The following GNL3L variants were observed in gnomAD, a reference collection of about 807,000 sequenced individuals.
GNL3L encodes the protein G protein nucleolar 3 like, also known as guanine nucleotide-binding protein-like 3-like protein.
In GNL3L, 4 loss-of-function variants were observed where a neutral mutation model predicts 42.9. The observed-to-expected ratio is 0.09, with a 90% CI of 0.05 to 0.21. The LOEUF is 0.21. GNL3L is among the 10% of genes least tolerant of loss of function. The probability of loss-of-function intolerance (pLI) is 1.00; values close to 1 mark genes in which losing one functional copy is unlikely to be tolerated. For synonymous variants in GNL3L, 159 were observed against 176.3 expected (o/e 0.90, Z 0.78); for missense variants, 412 against 481.7 (o/e 0.86, Z 1.36).
chrX:54,607,046 T>TTCTTTC lies in GNL3L; in HGVS notation c.*46-13797_*46-13792dup, dbSNP rs1569542586. Among the ~76,000 whole-genome samples, 2 of 71,241 alleles carry TTCTTTC rather than the reference T, an allele frequency of 2.8e-5. 1 individual carries two copies. The highest frequency in any genetic ancestry group is 1.8e-4 in the African/African-American group (2 of 11,213). 61.9% of individuals were successfully genotyped at this position (71,241 alleles called of 115,157 possible). ...TTTCTTTCTTTCTTTCTTTCTTTCT[T>TTCTTTC]TCTTTCTTTCTTTCTTTCTTTCTTT... On this transcript the variant is annotated intron_variant, in intron 16 of 16. Coordinates refer to the GNL3L transcript ENST00000674498.
At chrX:54,636,498 T>C in the GNL3L span, among the ~76,000 whole-genome samples, 1 of 111,285 alleles carries the variant, frequency 9.0e-6, no homozygotes, top group South Asian at 3.8e-4. Flanking sequence ...TAGTATACAA[T>C]AGGTAGTTTT....
At chrX:54,597,621 C>T (rs763506235) in intron 16 of GNL3L, among the ~76,000 whole-genome samples, 1 of 110,925 alleles carries the variant, frequency 9.0e-6, no homozygotes, top group African/African-American at 3.3e-5. Context: ...CTTGGACTTG[C>T]CTAGGTGTTG....
Position 54,566,108 on chromosome X carries a change from A to G in GNL3L, c.*5506A>G, listed in dbSNP as rs886943129. The stretch of plus-strand genomic sequence containing the variant: ...AGTTCTGGGATTACAGGCATGAGCC[A>G]TTGTGCCTGGCCAGTATCTTGTCTT... On this transcript the variant is annotated 3_prime_UTR_variant, in exon 16 of 16. Coordinates refer to ENST00000360845, the MANE Select transcript of GNL3L (RefSeq NM_001184819.2). 9.0e-6 allele frequency among the ~76,000 whole-genome samples: 1 copy of G among 111,602 alleles called. No individual in the cohort carries two copies. The highest frequency in any genetic ancestry group is 1.9e-5 in the Non-Finnish European group (1 of 53,197).
chrX:54,639,179 T>C, the GNL3L span, among the ~76,000 whole-genome samples: 3 of 111,550 alleles, frequency 2.7e-5, no homozygotes, highest in African/African-American at 6.5e-5. Flanking sequence ...ACTCATGGAC[T>C]CAAGTGATCC....
Position 54,551,908 on chromosome X carries a change from A to C in GNL3L, c.1115A>C (p.Lys372Thr). 8.3e-7 allele frequency: 1 copy of C among 1,207,020 alleles called. No homozygotes were observed. The highest frequency in any genetic ancestry group is 1.1e-6 in the Non-Finnish European group (1 of 891,050). ...ACGGCAGTGGCCCACCGTTTGGGGA[A>C]GAAGAAGAAGGGAGGCTTATATAGT... is the stretch of plus-strand genomic sequence containing the variant. ...FLTAVAHRLGKKKKGGLYSQE... is the reference protein window; with the variant it reads ...FLTAVAHRLGTKKKGGLYSQE... The change falls in exon 12 of 16, where the codon AAG becomes ACG. Residue 372 changes from lysine (K) to threonine (T), a missense_variant. Transcript: ENST00000360845.
chrX:54,607,048 CT>C (rs1394823834), intron 16 of GNL3L, among the ~76,000 whole-genome samples: 5 of 61,458 alleles, frequency 8.1e-5, no homozygotes, highest in Non-Finnish European at 1.4e-4. Flanking sequence ...TTCTTTCTTT[CT>C]TTCTTTCTTT....
At chrX:54,606,995 C>CCTTCCTTTCTTT (rs1926071370) in intron 16 of GNL3L, among the ~76,000 whole-genome samples, 3 of 28,024 alleles carry the variant, frequency 1.1e-4, no homozygotes, top group Non-Finnish European at 1.8e-4. Context: ...CCTTTCCTTT[C>CCTTCCTTTCTTT]CTTTCTTTCT....
chrX:54,537,320 G>A (rs1043362700), intron 2 of GNL3L, among the ~76,000 whole-genome samples: 1 of 110,539 alleles, frequency 9.0e-6, no homozygotes, highest in Non-Finnish European at 1.9e-5. Context: ...ATGGCACCCG[G>A]CCTTGGTTGT....
chrX:54,564,552 C>T lies in GNL3L; in HGVS notation c.*3950C>T, dbSNP rs1329794122. Among the ~76,000 whole-genome samples the T allele has an allele frequency of 3.0e-5, 3 of 100,487 alleles. No homozygotes were observed. The highest frequency in any genetic ancestry group is 1.1e-4 in the Admixed American group (1 of 9,082). The allele number at this position is 100,487 out of a possible 115,157, so 87.3% of individuals were successfully genotyped here. The stretch of plus-strand genomic sequence containing the variant: ...CCTCCCGAGTAGCTGGGATTATGGG[C>T]GCCCGCCACCACGCCCAGCTAATTT... On this transcript the variant is annotated 3_prime_UTR_variant, in exon 16 of 16. Coordinates refer to ENST00000360845, the MANE Select transcript of GNL3L (RefSeq NM_001184819.2).
chrX:54,603,457 T>G (rs990414840), intron 16 of GNL3L, among the ~76,000 whole-genome samples: 3 of 112,091 alleles, frequency 2.7e-5, no homozygotes, highest in Non-Finnish European at 3.8e-5. Context: ...AATATTTACA[T>G]AGCTTCAAAG....
intron 16 of GNL3L, among the ~76,000 whole-genome samples, chrX:54,599,024 G>T: frequency 8.9e-6 from 1 of 111,788 alleles, no homozygotes; most frequent in Middle Eastern, 4.7e-3. Context: ...TCAGAGAATA[G>T]CAAACAGAAT....
rs1569542145 is a variant in GNL3L, at chrX:54,554,656, A to G, written c.1410A>G (p.Ile470Met). The G allele has an allele frequency of 1.7e-6, 2 of 1,206,738 alleles. No homozygotes were observed. The highest frequency in any genetic ancestry group is 2.2e-5 in the Admixed American group (1 of 45,994). The change falls in exon 14 of 16, where the codon ATA becomes ATG. Residue 470 changes from isoleucine (I) to methionine (M), a missense_variant. Transcript: ENST00000360845. Reference protein sequence around the residue: ...IKLLHSPMTKIADAIENKTTV... With the variant: ...IKLLHSPMTKMADAIENKTTV... ...TGCTCCATTCTCCGATGACGAAAAT[A>G]GCAGATGCCATTGAAAATAAAACCA... is the stretch of plus-strand genomic sequence containing the variant.
rs1213575505 is a variant in GNL3L, at chrX:54,558,166, G to A, written c.1447-270G>A. 2.1e-4 allele frequency among the ~76,000 whole-genome samples: 23 copies of A among 111,402 alleles called. No individual in the cohort carries two copies. The Admixed American group carries it at 2.2e-3, about 11-fold the overall frequency. On this transcript the variant is annotated intron_variant, in intron 14 of 15. Coordinates refer to ENST00000360845, the MANE Select transcript of GNL3L (RefSeq NM_001184819.2). ...CAAAGTGCTGGGATTATAGGCATGA[G>A]CCACCGTGCCTGGCCTACCTTTTCA...
intron 16 of GNL3L, among the ~76,000 whole-genome samples, chrX:54,604,145 A>G (rs1040197446): frequency 1.8e-5 from 2 of 111,146 alleles, no homozygotes; most frequent in African/African-American, 3.3e-5. Context: ...TCTCAAAAAC[A>G]CAAAGAAATT....
chrX:54,609,819 T>G (rs2147533434), intron 16 of GNL3L, among the ~76,000 whole-genome samples: 1 of 112,246 alleles, frequency 8.9e-6, no homozygotes, highest in Admixed American at 9.4e-5. Context: ...TTAGTCTTGC[T>G]TTGGCTATGT....
chrX:54,590,925 G>A (rs1925863313), intron 16 of GNL3L, among the ~76,000 whole-genome samples: 1 of 110,364 alleles, frequency 9.1e-6, no homozygotes, highest in African/African-American at 3.3e-5. Context: ...CTGCCTTCTG[G>A]GTTCAAGCGA....
Position 54,558,550 on chromosome X carries a change from G to C in GNL3L, c.1561G>C (p.Asp521His). ...SNSMVDVCSV[D>H]RRSVLQRIME... ...CAGTATGGTGGATGTCTGCTCAGTG[G>C]ACCGCCGCTCAGTGCTGCAGAGGAT... Residue 521 changes from aspartate (D) to histidine (H), a missense_variant, in exon 15 of 16, where the codon GAC (aspartate) becomes CAC (histidine). Asp to His is a moderately conservative substitution (Grantham distance 81). Transcript: ENST00000360845. 1.7e-6 allele frequency: 2 copies of C among 1,209,697 alleles called. No homozygotes were observed. The highest frequency in any genetic ancestry group is 2.2e-6 in the Non-Finnish European group (2 of 893,946).
At chrX:54,610,178 A>G (rs1284933312) in intron 16 of GNL3L, among the ~76,000 whole-genome samples, 1 of 111,605 alleles carries the variant, frequency 9.0e-6, no homozygotes, top group Non-Finnish European at 1.9e-5. Flanking sequence ...TAGCAGAGCT[A>G]TTGATTTGTG....
chrX:54,595,934 C>G (rs1187017070), intron 16 of GNL3L, among the ~76,000 whole-genome samples: 1 of 112,274 alleles, frequency 8.9e-6, no homozygotes, highest in Non-Finnish European at 1.9e-5. Flanking sequence ...TGAATTCCTT[C>G]TCTGTGTTAT....
Sources: gnomAD v4.1 joint callset for allele counts (sites outside exome capture counted in the v4.1 genomes callset) on GRCh38, gnomAD v4.1.1 for gene constraint, MANE v1.5 for transcripts, NCBI Gene and HGNC (gene_info 2026-07-23, HGNC 2026-07-21) for gene names.